Variants in AKAP19 observed in about 807,000 individuals in gnomAD.
AKAP19 encodes A-kinase anchoring protein 19, also known as small A-kinase anchoring protein.
At chr2:190,026,229 G>C in the AKAP19 span, among the ~76,000 whole-genome samples, 1 of 152,108 alleles carries the variant, frequency 6.6e-6, no homozygotes, top group Non-Finnish European at 1.5e-5. Context: ...GGCCAAATCA[G>C]CTCACTCCAC....
chr2:190,043,847 T>C, the AKAP19 span, among the ~76,000 whole-genome samples: 1 of 152,162 alleles, frequency 6.6e-6, no homozygotes, highest in Admixed American at 6.5e-5. Flanking sequence ...GCAGTGTACA[T>C]TGAGTACAGT....
chr2:190,015,243 G>A, the AKAP19 span, among the ~76,000 whole-genome samples: 1 of 152,182 alleles, frequency 6.6e-6, no homozygotes, highest in Non-Finnish European at 1.5e-5. Flanking sequence ...CTTCTGCCTG[G>A]ACATCCAGGC....
the AKAP19 span, among the ~76,000 whole-genome samples, chr2:190,121,112 T>C: frequency 7.2e-6 from 1 of 138,178 alleles, no homozygotes; most frequent in Non-Finnish European, 1.6e-5. Flanking sequence ...AAAATCTAAG[T>C]CTTTTTTTTT....
At chr2:190,169,368 T>C in the AKAP19 span, among the ~76,000 whole-genome samples, 2 of 152,030 alleles carry the variant, frequency 1.3e-5, no homozygotes, top group Non-Finnish European at 2.9e-5. Context: ...TCCTGTATAG[T>C]CTTTTGTATC....
chr2:189,970,646 G>A, the AKAP19 span, among the ~76,000 whole-genome samples: 1 of 152,086 alleles, frequency 6.6e-6, no homozygotes, highest in Non-Finnish European at 1.5e-5. Flanking sequence ...AGCTTATCAA[G>A]AACACTGCTA....
chr2:189,996,309 C>G, the AKAP19 span, among the ~76,000 whole-genome samples: 1 of 152,064 alleles, frequency 6.6e-6, no homozygotes, highest in Non-Finnish European at 1.5e-5. Context: ...CTTTCTTTGT[C>G]TTTGTCTGAT....
the AKAP19 span, among the ~76,000 whole-genome samples, chr2:189,916,860 T>C: frequency 6.6e-6 from 1 of 152,302 alleles, no homozygotes; most frequent in East Asian, 1.9e-4. Context: ...CATTTATCCA[T>C]TGAAGGACAT....
At chr2:190,062,512 G>T in the AKAP19 span, 6 of 1,613,084 alleles carry the variant, frequency 3.7e-6, no homozygotes, top group African/African-American at 8.0e-5. Context: ...TTTTCTTTTT[G>T]CTCACTGTTC....
At chr2:190,174,839 ATAG>A in the AKAP19 span, among the ~76,000 whole-genome samples, 1 of 152,246 alleles carries the variant, frequency 6.6e-6, no homozygotes, top group Non-Finnish European at 1.5e-5. Flanking sequence ...GTGAAGACTT[ATAG>A]AAGCTTGGAT....
At chr2:190,159,796 A>G in the AKAP19 span, among the ~76,000 whole-genome samples, 1 of 152,328 alleles carries the variant, frequency 6.6e-6, no homozygotes, top group South Asian at 2.1e-4. Context: ...AAAGTATGTG[A>G]AAAGACAAGT....
At chr2:190,180,391 C>G in the AKAP19 span, 185 of 859,968 alleles carry the variant, frequency 2.2e-4, no homozygotes, top group Non-Finnish European at 2.5e-4. This position sits in a 1 kb window ranked among gnomAD's most constrained non-coding sequence, Gnocchi z 6.8. Context: ...AGGGCAGCGC[C>G]CCCTCTCACC....
At chr2:190,128,418 A>G in the AKAP19 span, among the ~76,000 whole-genome samples, 1 of 152,238 alleles carries the variant, frequency 6.6e-6, no homozygotes, top group Non-Finnish European at 1.5e-5. Flanking sequence ...CACAAAAGGC[A>G]GCCAAACTCT....
chr2:190,110,734 T>G, the AKAP19 span, among the ~76,000 whole-genome samples: 1 of 152,200 alleles, frequency 6.6e-6, no homozygotes, highest in African/African-American at 2.4e-5. Context: ...TTGTAACCAG[T>G]GATACATAGG....
At chr2:189,964,661 A>G in the AKAP19 span, among the ~76,000 whole-genome samples, 5 of 152,284 alleles carry the variant, frequency 3.3e-5, 1 homozygote, top group South Asian at 4.1e-4. Context: ...TTGTACTTTT[A>G]TGTTATGGAT....
chr2:190,038,392 GC>G, the AKAP19 span, among the ~76,000 whole-genome samples: 1 of 151,114 alleles, frequency 6.6e-6, no homozygotes, highest in Non-Finnish European at 1.5e-5. Flanking sequence ...TAGTGTAGAT[GC>G]CCTTAGTCTA....
At chr2:189,932,218 G>T in the AKAP19 span, among the ~76,000 whole-genome samples, 1 of 151,946 alleles carries the variant, frequency 6.6e-6, no homozygotes, top group African/African-American at 2.4e-5. Context: ...GACCAGCCTG[G>T]CCAACATAGT....
At chr2:190,039,813 G>C in the AKAP19 span, among the ~76,000 whole-genome samples, 1 of 152,090 alleles carries the variant, frequency 6.6e-6, no homozygotes, top group Non-Finnish European at 1.5e-5. Flanking sequence ...AAGGATAACA[G>C]CCTCCAGCTC....
At chr2:190,017,882 GT>G in the AKAP19 span, among the ~76,000 whole-genome samples, 1 of 152,114 alleles carries the variant, frequency 6.6e-6, no homozygotes, top group African/African-American at 2.4e-5. Context: ...GTCTGGGAAA[GT>G]TTTTGTCTCT....
chr2:190,134,203 G>A, the AKAP19 span, among the ~76,000 whole-genome samples: 1 of 152,090 alleles, frequency 6.6e-6, no homozygotes, highest in Non-Finnish European at 1.5e-5. Context: ...ATGGTAAATA[G>A]GAAAGGTGTT....
Sources: allele counts gnomAD v4.1 joint callset (sites outside exome capture counted in the v4.1 genomes callset), GRCh38; gene constraint gnomAD v4.1.1; non-coding constraint Gnocchi (gnomAD v3.1); transcripts MANE v1.5; gene names NCBI Gene and HGNC (gene_info 2026-07-23, HGNC 2026-07-21).